The following DISC1 variants were observed in gnomAD, a reference collection of about 807,000 sequenced individuals.
DISC1 encodes DISC1 scaffold protein.
DISC1 carries 57 observed loss-of-function variants against 84.5 expected under a neutral mutation model. The observed-to-expected ratio is 0.67, with a 90% confidence interval of 0.55 to 0.84. The LOEUF (loss-of-function observed/expected upper bound fraction) is 0.84, where lower values mean the gene tolerates loss of function less well. DISC1 is among the 40% of genes least tolerant of loss of function. The pLI is 0.00. For synonymous variants in DISC1, 411 were observed against 415.2 expected (o/e 0.99, Z 0.12); for missense variants, 1,000 against 1,057.8 (o/e 0.95, Z 0.76).
intron 9 of DISC1, among the ~76,000 whole-genome samples, chr1:231,906,099 C>T (rs994940296): frequency 8.7e-5 from 13 of 149,770 alleles, no homozygotes; most frequent in African/African-American, 2.5e-4. Flanking sequence ...CTCAGCTCAC[C>T]GCAACCTCTG....
chr1:231,993,263 G>T (rs928301688), intron 10 of DISC1, among the ~76,000 whole-genome samples: 1 of 151,936 alleles, frequency 6.6e-6, no homozygotes, highest in Admixed American at 6.6e-5. Context: ...TCACAGGGGT[G>T]CAATGAATGA....
At chr1:231,877,714 G>A in intron 9 of DISC1, among the ~76,000 whole-genome samples, 1 of 152,100 alleles carries the variant, frequency 6.6e-6, no homozygotes, top group African/African-American at 2.4e-5. Context: ...TCAGCCTATT[G>A]GTGGAACATA....
intron 2 of DISC1, among the ~76,000 whole-genome samples, chr1:231,696,650 A>G (rs1212446720): frequency 6.6e-6 from 1 of 152,234 alleles, no homozygotes; most frequent in African/African-American, 2.4e-5. Context: ...CTGTGAGATT[A>G]TCGTACTGTG....
chr1:231,940,626 T>A (rs2091268120), intron 9 of DISC1, among the ~76,000 whole-genome samples: 1 of 152,128 alleles, frequency 6.6e-6, no homozygotes. Flanking sequence ...TAAATTCTCC[T>A]AGACCCTGTG....
chr1:231,941,260 C>T (rs551535276), intron 9 of DISC1, among the ~76,000 whole-genome samples: 2 of 152,136 alleles, frequency 1.3e-5, no homozygotes, highest in Non-Finnish European at 2.9e-5. Context: ...ACACCAGTGA[C>T]CCCTATTCTG....
chr1:231,896,628 G>A (rs998212030), intron 9 of DISC1, among the ~76,000 whole-genome samples: 1 of 152,148 alleles, frequency 6.6e-6, no homozygotes, highest in African/African-American at 2.4e-5. Context: ...GCTTATAGAT[G>A]TTGTATAAGT....
chr1:231,847,227 T>C (rs1169104864), intron 9 of DISC1, among the ~76,000 whole-genome samples: 1 of 152,060 alleles, frequency 6.6e-6, no homozygotes, highest in Non-Finnish European at 1.5e-5. Context: ...GCCTTCCCTT[T>C]GTGTGTGTCT....
chr1:231,941,889 C>A (rs1189563048), intron 9 of DISC1, among the ~76,000 whole-genome samples: 7 of 152,148 alleles, frequency 4.6e-5, no homozygotes, highest in African/African-American at 1.7e-4. Flanking sequence ...TGGCAGCCAG[C>A]CAAGAACTGT....
At chr1:231,978,680 C>T (rs544555495) in intron 10 of DISC1, among the ~76,000 whole-genome samples, 31 of 152,314 alleles carry the variant, frequency 2.0e-4, no homozygotes, top group African/African-American at 7.2e-4. Context: ...CCAATGAGAG[C>T]CCCTTCAGAT....
chr1:231,976,452 G>C (rs1056042476), intron 10 of DISC1, among the ~76,000 whole-genome samples: 4 of 152,184 alleles, frequency 2.6e-5, no homozygotes, highest in Non-Finnish European at 5.9e-5. Context: ...TGCTTCAGAG[G>C]ATGATGTCAC....
rs1365990111 is a variant in DISC1, at chr1:232,009,501, T to C, written c.2307+452T>C. The stretch of plus-strand genomic sequence containing the variant: ...TATATTACAATATATTATTATTTAT[T>C]TGAATGAAACATTCAAATATATGTA... On this transcript the variant is annotated intron_variant, in intron 11 of 12. Transcript: ENST00000439617. This position sits in a 1 kb window ranked among gnomAD's most constrained non-coding sequence, Gnocchi z 4.6. 2 of 721,680 alleles carry C rather than the reference T, an allele frequency of 2.8e-6. No homozygotes were observed. The highest frequency in any genetic ancestry group is 1.3e-4 in the Admixed American group (2 of 15,806). The allele number at this position is 721,680 out of a possible 1,614,324, so 44.7% of individuals were successfully genotyped here.
intron 9 of DISC1, among the ~76,000 whole-genome samples, chr1:231,822,288 G>C (rs1222584550): frequency 6.6e-6 from 1 of 152,164 alleles, no homozygotes; most frequent in Non-Finnish European, 1.5e-5. Context: ...AATCTGGCTG[G>C]TTCCCTGGCC....
At chr1:231,718,084 T>G (rs199878334) in intron 3 of DISC1, among the ~76,000 whole-genome samples, 3 of 152,134 alleles carry the variant, frequency 2.0e-5, no homozygotes, top group Non-Finnish European at 2.9e-5. Context: ...ACTACACCTT[T>G]TCGATTTTAT....
Position 231,954,981 on chromosome 1 carries a change from C to T in DISC1, c.1982-3847C>T, listed in dbSNP as rs570804418. Reference sequence around the variant, plus strand: ...ATGGCTTTGCCTGGAAGTTCTTGTGCAGGTCCAGCGTGTCACCAACTGGTG... The same window carrying T: ...ATGGCTTTGCCTGGAAGTTCTTGTGTAGGTCCAGCGTGTCACCAACTGGTG... On this transcript the variant is annotated intron_variant, in intron 9 of 12. Transcript: ENST00000439617. The surrounding 1 kb of genome is among the most constrained non-coding windows in gnomAD (Gnocchi z 4.8). Among the ~76,000 whole-genome samples the T allele has an allele frequency of 6.6e-6, 1 of 152,276 alleles. No homozygotes were observed. The highest frequency in any genetic ancestry group is 2.1e-4 in the South Asian group (1 of 4,820).
chr1:231,958,656 A>G (rs113977909), intron 9 of DISC1, among the ~76,000 whole-genome samples, 172 bp from the exon 10 acceptor site: 4,263 of 152,222 alleles, frequency 0.028, 211 homozygotes, highest in African/African-American at 0.096. Context: ...ATCCTCCCCA[A>G]CTCATGACTT....
intron 9 of DISC1, among the ~76,000 whole-genome samples, chr1:231,937,189 G>A (rs1338157026): frequency 6.6e-6 from 1 of 152,200 alleles, no homozygotes; most frequent in Admixed American, 6.5e-5. Context: ...ATGACTCACT[G>A]GGAAAGTGCA....
At chr1:231,816,512 A>AT (rs544852312) in intron 8 of DISC1, among the ~76,000 whole-genome samples, 130 of 148,362 alleles carry the variant, frequency 8.8e-4, no homozygotes, top group South Asian at 2.5e-3. Flanking sequence ...TCAAATATTC[A>AT]TTTTTTTTTT....
chr1:231,742,267 C>T (rs1408999735), intron 3 of DISC1, among the ~76,000 whole-genome samples: 1 of 152,148 alleles, frequency 6.6e-6, no homozygotes, highest in Non-Finnish European at 1.5e-5. Context: ...GGGTGTCATT[C>T]GGGGAACCCA....
At chr1:231,771,191 AAGCACCATTGGTGTTT>A in intron 6 of DISC1, 121 bp downstream of exon 6, 1 of 1,456,950 alleles carries the variant, frequency 6.9e-7, no homozygotes, top group Non-Finnish European at 9.1e-7. Flanking sequence ...TTTTCAGTGG[AAGCACCATTGGTGTTT>A]TGGGTGGGAA....
Sources: gnomAD v4.1 joint callset for allele counts (sites outside exome capture counted in the v4.1 genomes callset) on GRCh38, gnomAD v4.1.1 for gene constraint, Gnocchi (gnomAD v3.1) non-coding constraint, MANE v1.5 for transcripts, NCBI Gene and HGNC (gene_info 2026-07-23, HGNC 2026-07-21) for gene names.